Variants in TCF7L1 observed in about 807,000 individuals in gnomAD.
The protein encoded by TCF7L1 is transcription factor 7-like 1.
Under a neutral mutation model 63.7 loss-of-function variants are expected in TCF7L1, and 18 were observed. The ratio of observed to expected loss-of-function variants is 0.28; its 90% CI spans 0.20 to 0.42. The LOEUF (loss-of-function observed/expected upper bound fraction) is 0.42, where lower values mean the gene tolerates loss of function less well. Ranked by LOEUF, TCF7L1 falls within the 10% of genes least tolerant of loss-of-function variation. The pLI is 1.00. For missense variants in TCF7L1, 654 were observed against 779.3 expected (o/e 0.84, Z 1.91); for synonymous variants, 355 against 340.9 (o/e 1.04, Z -0.46).
intron 3 of TCF7L1, among the ~76,000 whole-genome samples, chr2:85,236,788 A>C (rs1193174462): frequency 1.3e-5 from 2 of 152,212 alleles, no homozygotes; most frequent in Non-Finnish European, 2.9e-5. Flanking sequence ...GAGGAGCGTC[A>C]AAAGTCTCAT....
At chr2:85,239,548 C>A (rs1573005065) in intron 3 of TCF7L1, among the ~76,000 whole-genome samples, 3 of 152,218 alleles carry the variant, frequency 2.0e-5, no homozygotes, top group African/African-American at 7.2e-5. Context: ...TGTCCCTGGC[C>A]TGCTGGATGA....
chr2:85,272,606 C>G (rs1007282436), intron 3 of TCF7L1, among the ~76,000 whole-genome samples: 11 of 150,230 alleles, frequency 7.3e-5, no homozygotes, highest in African/African-American at 2.5e-4. Context: ...CCAGCCTGGG[C>G]AACATAGTGA....
rs1677528374 is a variant in TCF7L1, at chr2:85,134,024, G to A, written c.258G>A (p.Arg86=). Residue 86 remains arginine, a synonymous_variant, in exon 2 of 12, where the codon AGG becomes AGA. Coordinates refer to ENST00000282111, the MANE Select transcript of TCF7L1 (RefSeq NM_031283.3). The surrounding 1 kb of genome is among the most constrained non-coding windows in gnomAD (Gnocchi z 5.0). ...QSSSSDSEAE[R]RPQPVRDTFQ... Reference sequence around the variant, plus strand: ...TTGTGTCTCCTCCGCAGGCGGAGAGGCGCCCGCAGCCCGTCCGGGACACTT... The same window carrying A: ...TTGTGTCTCCTCCGCAGGCGGAGAGACGCCCGCAGCCCGTCCGGGACACTT... 6.2e-7 allele frequency: 1 copy of A among 1,609,654 alleles called. No homozygotes were observed.
chr2:85,258,276 A>G (rs1680769690), intron 3 of TCF7L1, among the ~76,000 whole-genome samples: 1 of 152,002 alleles, frequency 6.6e-6, no homozygotes, highest in Non-Finnish European at 1.5e-5. Flanking sequence ...TGCTCTGACC[A>G]CCCTGACCAC....
intron 3 of TCF7L1, among the ~76,000 whole-genome samples, chr2:85,229,301 C>T (rs1263407378): frequency 2.0e-5 from 3 of 151,934 alleles, no homozygotes; most frequent in African/African-American, 2.4e-5. Context: ...GAGCTGAGAT[C>T]GTGCCAGTGC....
chr2:85,309,035 T>G lies in TCF7L1; in HGVS notation c.1340T>G (p.Leu447Arg). 6.3e-7 allele frequency: 1 copy of G among 1,591,264 alleles called. No homozygotes were observed. The highest frequency in any genetic ancestry group is 8.6e-7 in the Non-Finnish European group (1 of 1,167,284). ...TCTTGTATTTTCCCCCTAGGTGCCC[T>G]GGCCTCCAAGAGCAAGAAGCCATGT... ...QQQVQEAEGA[L>R]ASKSKKPCVQ... The change falls in exon 12 of 12, where the codon CTG (leucine) becomes CGG (arginine). Residue 447 changes from leucine (L) to arginine (R), a missense_variant. By Grantham distance (102) the Leu-to-Arg change is moderately radical. Coordinates refer to ENST00000282111, the MANE Select transcript of TCF7L1 (RefSeq NM_031283.3).
chr2:85,295,588 T>C (rs1681823555), intron 4 of TCF7L1, among the ~76,000 whole-genome samples: 1 of 152,166 alleles, frequency 6.6e-6, no homozygotes, highest in African/African-American at 2.4e-5. Context: ...TCACACATTT[T>C]TCCCCTGGGC....
At chr2:85,294,301 G>A (rs536559957) in intron 4 of TCF7L1, among the ~76,000 whole-genome samples, 1 of 152,152 alleles carries the variant, frequency 6.6e-6, no homozygotes, top group Non-Finnish European at 1.5e-5. Context: ...CTCCCAAAGT[G>A]CTGGGATTAC....
At chr2:85,173,127 G>A (rs1034324082) in intron 3 of TCF7L1, among the ~76,000 whole-genome samples, 1 of 152,212 alleles carries the variant, frequency 6.6e-6, no homozygotes, top group Non-Finnish European at 1.5e-5. Flanking sequence ...AGTTAAACTT[G>A]CCAAATAAAT....
At chr2:85,187,540 AT>A (rs1251811817) in intron 3 of TCF7L1, among the ~76,000 whole-genome samples, 9 of 152,076 alleles carry the variant, frequency 5.9e-5, no homozygotes, top group East Asian at 3.9e-4. Context: ...GTTGAGGTTG[AT>A]TTTTTTCCCC....
chr2:85,273,928 T>C (rs1425052744), intron 3 of TCF7L1, among the ~76,000 whole-genome samples: 1 of 152,156 alleles, frequency 6.6e-6, no homozygotes, highest in Non-Finnish European at 1.5e-5. Context: ...CATTTGCTCT[T>C]TCAGCCCAGT....
intron 3 of TCF7L1, among the ~76,000 whole-genome samples, chr2:85,182,297 CACTCTCTG>C (rs1445475076): frequency 6.6e-6 from 1 of 152,158 alleles, no homozygotes; most frequent in Non-Finnish European, 1.5e-5. Flanking sequence ...CCCTGATACT[CACTCTCTG>C]TGAGTTAAGG....
At chr2:85,302,425 A>G (rs1573033853) in intron 4 of TCF7L1, 59 bp from the exon 5 acceptor site, 1 of 1,611,458 alleles carries the variant, frequency 6.2e-7, no homozygotes, top group East Asian at 2.2e-5. Flanking sequence ...CATAAATAAC[A>G]GCTGGTCATA....
chr2:85,241,431 GTTTTTGTTTTTTTTTTTTTTTTTTTT>G (rs1680324163), intron 3 of TCF7L1, among the ~76,000 whole-genome samples: 1 of 68,782 alleles, frequency 1.5e-5, no homozygotes, highest in Non-Finnish European at 3.0e-5. Context: ...GATGCACTTT[GTTTTTGTTTTTTTTTTTTTTTTTTTT>G]TTTTTTTTGA....
At chr2:85,168,970 C>T (rs992821359) in intron 3 of TCF7L1, among the ~76,000 whole-genome samples, 1 of 152,184 alleles carries the variant, frequency 6.6e-6, no homozygotes, top group Admixed American at 6.5e-5. Flanking sequence ...AGGGTTGCTG[C>T]AATCCCAGGA....
chr2:85,272,768 C>G (rs1026225494), intron 3 of TCF7L1, among the ~76,000 whole-genome samples: 12 of 152,180 alleles, frequency 7.9e-5, no homozygotes, highest in African/African-American at 2.9e-4. Flanking sequence ...GCACTCCAGC[C>G]TGGCTGACAG....
In TCF7L1 at chr2:85,187,884, C is replaced by T. The variant is rs1348167753; in HGVS notation, c.441+53434C>T. On this transcript the variant is annotated intron_variant, in intron 3 of 11. Coordinates refer to ENST00000282111, the MANE Select transcript of TCF7L1 (RefSeq NM_031283.3). ...AAAATAGCCTCAATCTGGAAACTAT[C>T]CAGATGTTCTTCAGTGGTGTATGGT... Among the ~76,000 whole-genome samples the T allele has an allele frequency of 6.6e-5, 10 of 152,132 alleles. No individual in the cohort carries two copies. In the East Asian group the frequency reaches 1.7e-3, roughly 26 times the overall value.
chr2:85,262,767 G>A (rs1276118074), intron 3 of TCF7L1, among the ~76,000 whole-genome samples: 1 of 152,190 alleles, frequency 6.6e-6, no homozygotes, highest in Admixed American at 6.5e-5. Flanking sequence ...GTTGGAGCCT[G>A]ATGCCATCCT....
intron 3 of TCF7L1, among the ~76,000 whole-genome samples, chr2:85,164,868 G>T (rs537581558): frequency 4.6e-5 from 7 of 152,282 alleles, no homozygotes; most frequent in African/African-American, 1.4e-4. Context: ...TTGATATACT[G>T]TTATCCTTAG....
Sources: allele counts gnomAD v4.1 joint callset (sites outside exome capture counted in the v4.1 genomes callset), GRCh38; gene constraint gnomAD v4.1.1; non-coding constraint Gnocchi (gnomAD v3.1); transcripts MANE v1.5; gene names NCBI Gene and HGNC (gene_info 2026-07-23, HGNC 2026-07-21).